ACTR6: variants seen among roughly 807,000 people sequenced by gnomAD.
The protein encoded by ACTR6 is actin related protein 6.
A neutral mutation model predicts 52.5 loss-of-function variants in ACTR6; 50 were observed. The ratio of observed to expected loss-of-function variants is 0.95; its 90% CI spans 0.76 to 1.20. ACTR6 has a LOEUF of 1.20. Ranked by LOEUF, ACTR6 falls within the 50% of genes most tolerant of loss-of-function variation. The probability of loss-of-function intolerance (pLI) is 0.00; values close to 1 mark genes in which losing one functional copy is unlikely to be tolerated. For synonymous variants in ACTR6, 135 were observed against 147.2 expected (o/e 0.92, Z 0.60); for missense variants, 344 against 472.4 (o/e 0.73, Z 2.52).
intron 4 of ACTR6, 21 bp from the exon 5 acceptor site, chr12:100,210,052 T>A (rs1342566540): frequency 6.4e-7 from 1 of 1,559,954 alleles, no homozygotes; most frequent in Admixed American, 2.2e-5. Flanking sequence ...TTTGTTCACT[T>A]TTTTATCTTT....
intron 6 of ACTR6, 79 bp downstream of exon 6, chr12:100,210,430 C>G: frequency 6.9e-7 from 1 of 1,445,230 alleles, no homozygotes; most frequent in Non-Finnish European, 9.6e-7. Context: ...TTATTCCTTA[C>G]TTTTAAGGCC....
chr12:100,207,006 C>T (rs1807627255), intron 3 of ACTR6, among the ~76,000 whole-genome samples: 1 of 151,840 alleles, frequency 6.6e-6, no homozygotes, highest in South Asian at 2.1e-4. Context: ...AGAAACATAA[C>T]AGCCCCAATA....
At chr12:100,200,970 A>ATG in intron 1 of ACTR6, 51 bp downstream of exon 1, 11 of 1,612,986 alleles carry the variant, frequency 6.8e-6, no homozygotes, top group Non-Finnish European at 9.3e-6. Context: ...TAGTGGTTTC[A>ATG]TGTGCTACGT....
chr12:100,202,890 C>T (rs1452525679), intron 1 of ACTR6, among the ~76,000 whole-genome samples: 1 of 151,662 alleles, frequency 6.6e-6, no homozygotes, highest in Non-Finnish European at 1.5e-5. Context: ...TACTTCTGTA[C>T]CCTGTAGCAG....
At chr12:100,204,056 C>T (rs937920510) in intron 1 of ACTR6, 1 of 152,130 alleles carries the variant, frequency 6.6e-6, no homozygotes, top group East Asian at 1.9e-4. Context: ...GTGGCGGAAG[C>T]AATACTTACC....
intron 1 of ACTR6, among the ~76,000 whole-genome samples, chr12:100,201,561 T>C (rs569124763): frequency 2.0e-5 from 3 of 152,388 alleles, no homozygotes; most frequent in Non-Finnish European, 2.9e-5. Context: ...TCCTTCTTTT[T>C]CATTTCTTTT....
chr12:100,224,078 T>C lies in ACTR6; in HGVS notation c.*163T>C. 1.5e-6 allele frequency: 1 copy of C among 655,964 alleles called. No homozygotes were observed. Among genetic ancestry groups the C allele is most frequent in the Non-Finnish European group, 2.4e-6 (1 of 421,598 alleles). The allele number at this position is 655,964 out of a possible 1,614,324, so 40.6% of individuals were successfully genotyped here. ...TTCAAAGGCTTCTTAGGTAGGTTACTACAGTAAACTGTAACTCAGTCCACA... is the reference window on the plus strand; with the variant it reads ...TTCAAAGGCTTCTTAGGTAGGTTACCACAGTAAACTGTAACTCAGTCCACA... On this transcript the variant is annotated 3_prime_UTR_variant, in exon 11 of 11. Transcript: ENST00000188312.
chr12:100,224,034 C>T lies in ACTR6; in HGVS notation c.*119C>T, dbSNP rs1295385773. 1.0e-5 allele frequency: 12 copies of T among 1,159,246 alleles called. No individual in the cohort carries two copies. In the East Asian group the frequency reaches 3.2e-4, roughly 31 times the overall value. 71.8% of individuals were successfully genotyped at this position (1,159,246 alleles called of 1,614,324 possible). On this transcript the variant is annotated 3_prime_UTR_variant, in exon 11 of 11. Transcript: ENST00000188312. ...AAAAAGGCTTGAATTTATGTAAATA[C>T]TTTGATCGATTGCTAATTTTCAAAG...
chr12:100,210,023 TTTAAA>T (rs1200497869), intron 4 of ACTR6, 45 bp from the exon 5 acceptor site: 8 of 1,508,774 alleles, frequency 5.3e-6, no homozygotes, highest in Non-Finnish European at 7.1e-6. Context: ...TTTTAATTGC[TTTAAA>T]TTAGTGTTAT....
chr12:100,220,513 GA>G (rs2096127300), intron 10 of ACTR6, among the ~76,000 whole-genome samples: 1 of 152,164 alleles, frequency 6.6e-6, no homozygotes, highest in Admixed American at 6.5e-5. Context: ...GTCAGGAATA[GA>G]AATTGAATAA....
intron 8 of ACTR6, among the ~76,000 whole-genome samples, chr12:100,217,958 T>C (rs987387377): frequency 6.6e-6 from 1 of 152,170 alleles, no homozygotes; most frequent in Non-Finnish European, 1.5e-5. Flanking sequence ...ATAGGTATAT[T>C]ATGAAGTTCT....
intron 8 of ACTR6, among the ~76,000 whole-genome samples, chr12:100,213,680 A>G (rs552152394): frequency 1.3e-5 from 2 of 152,338 alleles, no homozygotes; most frequent in South Asian, 4.1e-4. Context: ...TTGGTCTGGT[A>G]TGATTAGATT....
At chr12:100,201,034 C>T in intron 1 of ACTR6, 115 bp downstream of exon 1, 1 of 1,570,060 alleles carries the variant, frequency 6.4e-7, no homozygotes, top group African/African-American at 1.3e-5. Flanking sequence ...CCTGACTTAG[C>T]CAGAGGGATT....
rs754965993 is a variant in ACTR6, at chr12:100,212,360, T to C, written c.671+6T>C. ...AGAGACATGGATATTGCAAAGTATG[T>C]ATAATGACAATCTAAGAATTGGAAA... On this transcript the variant is annotated splice_donor_region_variant and intron_variant, in intron 7 of 10. Transcript: ENST00000188312. The C allele has an allele frequency of 2.5e-6, 4 of 1,601,428 alleles. No individual in the cohort carries two copies. The South Asian group carries it at 3.3e-5, about 13-fold the overall frequency.
intron 9 of ACTR6, among the ~76,000 whole-genome samples, chr12:100,219,176 A>AAAC (rs2096126158): frequency 6.6e-6 from 1 of 151,474 alleles, no homozygotes; most frequent in African/African-American, 2.4e-5. Flanking sequence ...AAAAAAAAAA[A>AAAC]AAAGAAAAAC....
intron 6 of ACTR6, among the ~76,000 whole-genome samples, chr12:100,211,639 A>G (rs7138882): frequency 0.068 from 10,402 of 152,124 alleles, 425 homozygotes; most frequent in African/African-American, 0.09. Context: ...ATATATATAT[A>G]TGTTTTAAAG....
At position 100,205,761 on chromosome 12, in the gene ACTR6, T is replaced by G; in HGVS notation, c.255+17T>G. 7.3e-7 allele frequency: 1 copy of G among 1,372,828 alleles called. No homozygotes were observed. The highest frequency in any genetic ancestry group is 9.7e-7 in the Non-Finnish European group (1 of 1,025,884). 85.0% of individuals were successfully genotyped at this position (1,372,828 alleles called of 1,614,324 possible). A position where few individuals can be genotyped will look rare whatever the true frequency, so the allele number is the denominator to read the frequency against. On this transcript the variant is annotated intron_variant, in intron 3 of 10. Coordinates refer to ENST00000188312, the MANE Select transcript of ACTR6 (RefSeq NM_022496.5). ...ATGTATCAGGTAACAAATTAGAGTA[T>G]GTATTAAAATTCTATTTCCATGTTT...
chr12:100,205,129 A>C, intron 2 of ACTR6, 72 bp downstream of exon 2: 1 of 1,008,866 alleles, frequency 9.9e-7, no homozygotes, highest in East Asian at 2.6e-5. Flanking sequence ...ATTGTATATA[A>C]AAGGCTGTGT....
intron 1 of ACTR6, among the ~76,000 whole-genome samples, chr12:100,202,845 G>A (rs1050985587): frequency 1.3e-5 from 2 of 148,204 alleles, no homozygotes; most frequent in African/African-American, 5.1e-5. Flanking sequence ...GCGACAAAGC[G>A]AGACTCGGTC....
Sources: gnomAD v4.1 joint callset for allele counts (sites outside exome capture counted in the v4.1 genomes callset) on GRCh38, gnomAD v4.1.1 for gene constraint, MANE v1.5 for transcripts, NCBI Gene and HGNC (gene_info 2026-07-23, HGNC 2026-07-21) for gene names.